The following APOH variants were observed in gnomAD, a reference collection of about 807,000 sequenced individuals.
APOH encodes the protein beta-2-glycoprotein 1.
A neutral mutation model predicts 39.8 loss-of-function variants in APOH; 48 were observed. The observed-to-expected ratio is 1.21, with a 90% CI of 0.96 to 1.54. APOH has a LOEUF of 1.54. Ranked by LOEUF, APOH falls within the 40% of genes most tolerant of loss-of-function variation. The probability of loss-of-function intolerance (pLI) is 0.00; values close to 1 mark genes in which losing one functional copy is unlikely to be tolerated. For missense variants in APOH, 415 were observed against 421.2 expected, an observed-to-expected ratio of 0.99 and a Z score of 0.13; for synonymous variants, 153 against 151.1, an observed-to-expected ratio of 1.01 and a Z score of -0.09.
At chr17:66,216,273 A>T (rs1232837660) in intron 6 of APOH, among the ~76,000 whole-genome samples, 2 of 152,106 alleles carry the variant, frequency 1.3e-5, no homozygotes, top group Admixed American at 6.6e-5. Flanking sequence ...ACCTGAGGTC[A>T]GGAGTTCGAA....
At position 66,220,667 on chromosome 17, in the gene APOH, GAATTGTTTCCAGCTGATGGCTTATAA is replaced by G. The variant is rs2146994995; in HGVS notation, c.465_490del (p.Tyr156ProfsTer9). On this transcript the variant is annotated frameshift_variant, in exon 5 of 8. Transcript: ENST00000205948. LOFTEE classifies it high-confidence loss of function. ...AAAAACTGCTGTGTCCCGATAGAGGGAATTGTTTCCAGCTGATGGCTTATAAACACGAAGTGTTGCAAACGTAGGTA... is the reference window on the plus strand; with the variant it reads ...AAAAACTGCTGTGTCCCGATAGAGGGACACGAAGTGTTGCAAACGTAGGTA... 6.2e-7 allele frequency: 1 copy of G among 1,614,188 alleles called. No individual in the cohort carries two copies. The highest frequency in any genetic ancestry group is 2.2e-5 in the East Asian group (1 of 44,886).
At position 66,222,721 on chromosome 17, in the gene APOH, G is replaced by A. The variant is rs570932815; in HGVS notation, c.415+977C>T. On this transcript the variant is annotated intron_variant, in intron 4 of 7. Coordinates refer to ENST00000205948, the MANE Select transcript of APOH (RefSeq NM_000042.3). ...CAATTGGCTGGGATTAGAGGCATGC[G>A]CCACCATGCCCAGCTGATTTTATAT... Among the ~76,000 whole-genome samples the A allele has an allele frequency of 3.9e-5, 6 of 151,968 alleles. No individual in the cohort carries two copies. The South Asian group carries it at 6.2e-4, about 16-fold the overall frequency.
intron 5 of APOH, among the ~76,000 whole-genome samples, chr17:66,219,001 C>T (rs1214160703): frequency 6.6e-6 from 1 of 151,946 alleles, no homozygotes; most frequent in East Asian, 1.9e-4. Context: ...CAGAGTGAGA[C>T]ACCATTTCAA....
chr17:66,219,505 G>A (rs8178848), intron 5 of APOH, among the ~76,000 whole-genome samples: 11,148 of 152,178 alleles, frequency 0.073, 430 homozygotes, highest in African/African-American at 0.098. Context: ...ATAGTTGAGT[G>A]CCCAGAAAGG....
At chr17:66,224,485 A>G (rs1406596265) in intron 3 of APOH, among the ~76,000 whole-genome samples, 2 of 133,560 alleles carry the variant, frequency 1.5e-5, no homozygotes, top group Non-Finnish European at 3.3e-5. Context: ...AAAAAAAAAA[A>G]AAAAAAGAAA....
chr17:66,223,563 G>T lies in APOH; in HGVS notation c.415+135C>A. ...TTTCATCTTCTAGAGCAAGATACCA[G>T]GATGAATATCCCCCACAAGGGTGAC... On this transcript the variant is annotated intron_variant, in intron 4 of 7. Transcript: ENST00000205948. 4.0e-6 allele frequency: 3 copies of T among 744,568 alleles called. No homozygotes were observed. The Admixed American group carries it at 7.6e-5, about 19-fold the overall frequency. 46.1% of individuals were successfully genotyped at this position (744,568 alleles called of 1,614,324 possible). A position where few individuals can be genotyped will look rare whatever the true frequency, so the allele number is the denominator to read the frequency against.
intron 7 of APOH, 62 bp from the exon 8 acceptor site, chr17:66,212,250 T>C: frequency 7.0e-7 from 1 of 1,423,036 alleles, no homozygotes; most frequent in Admixed American, 1.7e-5. Context: ...ATGTGGTAAA[T>C]AGCTAAGCCA....
rs771648761 is a variant in APOH, at chr17:66,212,174, C to T, written c.997G>A (p.Ala333Thr). The change falls in exon 8 of 8, where the codon GCT becomes ACT. Residue 333 changes from alanine (A) to threonine (T), a missense_variant. Coordinates refer to ENST00000205948, the MANE Select transcript of APOH (RefSeq NM_000042.3). The stretch of plus-strand genomic sequence containing the variant: ...TCGGATGCATCAGTTTTCCAAAAAG[C>T]CAGAGAACTGTGTTCTGTTGGGGGA... ...PKCFKEHSSL[A>T]FWKTDASDVK... 8 of 1,613,758 alleles carry T rather than the reference C, an allele frequency of 5.0e-6. No homozygotes were observed. Among genetic ancestry groups the T allele is most frequent in the Non-Finnish European group, 6.8e-6 (8 of 1,179,750 alleles).
chr17:66,222,227 A>G (rs960416941), intron 4 of APOH, among the ~76,000 whole-genome samples: 11 of 152,056 alleles, frequency 7.2e-5, no homozygotes, highest in Admixed American at 1.3e-4. Flanking sequence ...GTCTCCACCA[A>G]AATTTTTAAA....
At chr17:66,213,843 T>C (rs1656974373) in intron 7 of APOH, among the ~76,000 whole-genome samples, 1 of 151,278 alleles carries the variant, frequency 6.6e-6, no homozygotes, top group Non-Finnish European at 1.5e-5. Context: ...AAGGCTGAGG[T>C]GAAAGGGTCA....
At chr17:66,227,631 C>T (rs8178904) in intron 2 of APOH, among the ~76,000 whole-genome samples, 3,135 of 152,158 alleles carry the variant, frequency 0.021, 112 homozygotes, top group African/African-American at 0.07. Context: ...ATTAAGTCCG[C>T]TTTCATTTTC....
chr17:66,224,624 A>T (rs1317344632), intron 3 of APOH, among the ~76,000 whole-genome samples: 1 of 145,640 alleles, frequency 6.9e-6, no homozygotes. Context: ...AAAGAAAGAA[A>T]GAAGAAAGGA....
At chr17:66,224,831 G>A (rs867377121) in intron 3 of APOH, among the ~76,000 whole-genome samples, 2 of 151,978 alleles carry the variant, frequency 1.3e-5, no homozygotes, top group African/African-American at 4.8e-5. Flanking sequence ...CACTTTGGGA[G>A]GCCAAGGAGG....
At chr17:66,226,883 A>AT (rs1185974185) in intron 2 of APOH, among the ~76,000 whole-genome samples, 2 of 96,946 alleles carry the variant, frequency 2.1e-5, no homozygotes, top group African/African-American at 1.1e-4. Context: ...TTTTTATTTT[A>AT]TTTATTTATT....
At chr17:66,221,733 C>A (rs937477489) in intron 4 of APOH, among the ~76,000 whole-genome samples, 1 of 152,136 alleles carries the variant, frequency 6.6e-6, no homozygotes, top group South Asian at 2.1e-4. Context: ...ATGGAGCTTA[C>A]CCAAGTAGCT....
intron 4 of APOH, among the ~76,000 whole-genome samples, chr17:66,221,260 A>C (rs1345826853): frequency 1.6e-5 from 2 of 127,486 alleles, no homozygotes; most frequent in Non-Finnish European, 3.4e-5. Context: ...AGAGAGAGAG[A>C]GAAAGAAAGG....
At chr17:66,217,551 C>A (rs917959286) in intron 5 of APOH, among the ~76,000 whole-genome samples, 1 of 152,042 alleles carries the variant, frequency 6.6e-6, no homozygotes, top group Non-Finnish European at 1.5e-5. Context: ...AGGCTGGAGC[C>A]AGGAGCACAA....
rs763522545 is a variant in APOH, at chr17:66,214,428, G to C, written c.982+25C>G. The C allele has an allele frequency of 3.7e-6, 6 of 1,604,746 alleles. No individual in the cohort carries two copies. The South Asian group carries it at 6.6e-5, about 18-fold the overall frequency. The stretch of plus-strand genomic sequence containing the variant: ...TGATGACGGGCAAGTGGGAGTCCTA[G>C]CTAAACGTTCCAATGCAGACTTACC... On this transcript the variant is annotated intron_variant, in intron 7 of 7. Coordinates refer to ENST00000205948, the MANE Select transcript of APOH (RefSeq NM_000042.3).
At chr17:66,223,579 C>T (rs1284623753) in intron 4 of APOH, 119 bp downstream of exon 4, 2 of 853,472 alleles carry the variant, frequency 2.3e-6, no homozygotes, top group Non-Finnish European at 1.9e-6. Flanking sequence ...ATATCCCCCA[C>T]AAGGGTGACC....
Sources: allele counts gnomAD v4.1 joint callset (sites outside exome capture counted in the v4.1 genomes callset), GRCh38; gene constraint gnomAD v4.1.1; transcripts MANE v1.5; gene names NCBI Gene and HGNC (gene_info 2026-07-23, HGNC 2026-07-21).